Variants in DEFB110 observed in about 807,000 individuals in gnomAD.
The protein encoded by DEFB110 is defensin beta 110.
In DEFB110, 4 loss-of-function variants were observed where a neutral mutation model predicts 2.5. The ratio of observed to expected loss-of-function variants is 1.60; its 90% confidence interval spans 0.79 to 3.66. The LOEUF (loss-of-function observed/expected upper bound fraction) is 3.66. Ranked by LOEUF, DEFB110 falls within the 30% of genes most tolerant of loss-of-function variation. DEFB110 has a pLI of 0.01. For missense variants in DEFB110, 94 were observed against 75.4 expected (o/e 1.25, Z -0.91); for synonymous variants, 29 against 21.8 (o/e 1.33, Z -0.92).
chr6:50,010,562 T>G (rs1774210462), intron 1 of DEFB110, among the ~76,000 whole-genome samples: 1 of 150,720 alleles, frequency 6.6e-6, no homozygotes, highest in African/African-American at 2.4e-5. Context: ...GACATATATA[T>G]AGACATATAT....
At chr6:50,009,590 A>T (rs552626333) in intron 1 of DEFB110, among the ~76,000 whole-genome samples, 1 of 152,162 alleles carries the variant, frequency 6.6e-6, no homozygotes, top group African/African-American at 2.4e-5. Context: ...TTTGTCAGAC[A>T]TTTGTTGTGA....
chr6:50,009,521 C>T (rs1223266536), intron 1 of DEFB110, among the ~76,000 whole-genome samples: 2 of 152,132 alleles, frequency 1.3e-5, no homozygotes, highest in African/African-American at 4.8e-5. Context: ...TGTCAGCTGG[C>T]TCAGTCTACA....
downstream of DEFB110, among the ~76,000 whole-genome samples, chr6:50,018,122 T>C (rs1324122995): frequency 1.3e-5 from 2 of 151,926 alleles, no homozygotes; most frequent in Non-Finnish European, 2.9e-5. Context: ...GATGCATCAC[T>C]GACATGTTCT....
intron 1 of DEFB110, among the ~76,000 whole-genome samples, chr6:50,012,478 A>G (rs1774244053): frequency 1.3e-5 from 2 of 151,972 alleles, no homozygotes; most frequent in South Asian, 4.1e-4. Flanking sequence ...GTTATTCATC[A>G]GTTATTTCCT....
downstream of DEFB110, among the ~76,000 whole-genome samples, chr6:50,016,214 G>A (rs1774313232): frequency 3.3e-5 from 5 of 151,890 alleles, no homozygotes; most frequent in South Asian, 1.0e-3. Flanking sequence ...TAGTTCACGT[G>A]AGAATTTGAC....
downstream of DEFB110, among the ~76,000 whole-genome samples, chr6:50,017,799 A>T (rs1561991982): frequency 6.6e-6 from 1 of 151,880 alleles, no homozygotes; most frequent in African/African-American, 2.4e-5. Flanking sequence ...AATAGAATGG[A>T]TCCACAGAGA....
At chr6:50,010,012 C>A (rs1774200872) in intron 1 of DEFB110, among the ~76,000 whole-genome samples, 1 of 151,934 alleles carries the variant, frequency 6.6e-6, no homozygotes, top group Admixed American at 6.6e-5. Context: ...CCTAGTGATA[C>A]AACTGTACTC....
intron 1 of DEFB110, among the ~76,000 whole-genome samples, chr6:50,009,784 G>C (rs1037085542): frequency 1.3e-5 from 2 of 151,960 alleles, no homozygotes; most frequent in African/African-American, 4.8e-5. Context: ...CAAAACTAAA[G>C]TACTTTAGAT....
intron 1 of DEFB110, among the ~76,000 whole-genome samples, chr6:50,011,377 C>T (rs1774225546): frequency 6.6e-6 from 1 of 151,934 alleles, no homozygotes; most frequent in African/African-American, 2.4e-5. Flanking sequence ...TTGTACATCA[C>T]TGGAGAAATT....
downstream of DEFB110, among the ~76,000 whole-genome samples, chr6:50,015,021 C>A (rs1163782540): frequency 6.6e-6 from 1 of 151,894 alleles, no homozygotes; most frequent in Non-Finnish European, 1.5e-5. Context: ...TTGGATCAAT[C>A]GTCCAACCAA....
chr6:50,018,372 A>T (rs1297523514), downstream of DEFB110, among the ~76,000 whole-genome samples: 2 of 151,708 alleles, frequency 1.3e-5, no homozygotes, highest in African/African-American at 2.4e-5. Flanking sequence ...ACTACCTCTC[A>T]TTTCTTGATA....
intron 1 of DEFB110, among the ~76,000 whole-genome samples, chr6:50,020,972 G>C (rs949955586): frequency 2.6e-5 from 4 of 152,066 alleles, no homozygotes; most frequent in African/African-American, 9.7e-5. Flanking sequence ...ACCTTGGACT[G>C]ACCCCACCCC....
downstream of DEFB110, among the ~76,000 whole-genome samples, chr6:50,015,342 C>A (rs61360709): frequency 0.028 from 4,321 of 151,850 alleles, 130 homozygotes; most frequent in African/African-American, 0.066. Context: ...GGCTAAAACC[C>A]TTTGAATTGC....
At chr6:50,013,870 A>C (rs1204009738), downstream of DEFB110, among the ~76,000 whole-genome samples, 3 of 151,870 alleles carry the variant, frequency 2.0e-5, no homozygotes, top group Non-Finnish European at 4.4e-5. Flanking sequence ...AGAATAAAAG[A>C]CATGGAACAG....
chr6:50,009,157 C>A lies in DEFB110; in HGVS notation c.170G>T (p.Arg57Ile), dbSNP rs1390233173. 6 of 1,610,210 alleles carry A rather than the reference C, an allele frequency of 3.7e-6. No homozygotes were observed. In the South Asian group the frequency reaches 5.5e-5, roughly 15 times the overall value. The change falls in exon 2 of 2, where the codon AGA becomes ATA. Residue 57 changes from arginine (R) to isoleucine (I), a missense_variant. Arg to Ile is a moderately conservative substitution (Grantham distance 97). Transcript: ENST00000393660. ...CAGAGTTTATACGCAGCACTGACTT[C>A]TCCATTTAATGCAGTATCCATAATC...
chr6:50,016,476 G>T (rs565330674), downstream of DEFB110, among the ~76,000 whole-genome samples: 8 of 151,860 alleles, frequency 5.3e-5, no homozygotes, highest in South Asian at 1.0e-3. Context: ...TAGTTCTTTT[G>T]TAAGTTCATA....
intron 1 of DEFB110, among the ~76,000 whole-genome samples, chr6:50,012,387 A>G (rs906955967): frequency 3.9e-5 from 6 of 152,022 alleles, no homozygotes; most frequent in Admixed American, 3.3e-4. Flanking sequence ...ACTGAAAAAA[A>G]AGAGCGAGTG....
intron 1 of DEFB110, among the ~76,000 whole-genome samples, chr6:50,011,526 GGACATCAACACAATCCTGCA>G (rs2113937199): frequency 6.6e-6 from 1 of 152,146 alleles, no homozygotes; most frequent in African/African-American, 2.4e-5. Flanking sequence ...GATATGCTGT[GGACATCAACACAATCCTGCA>G]TACACACAGA....
intron 1 of DEFB110, among the ~76,000 whole-genome samples, chr6:50,012,634 T>A (rs1202008816): frequency 2.0e-5 from 3 of 151,926 alleles, no homozygotes; most frequent in Admixed American, 2.0e-4. Flanking sequence ...ATGAAGTAAG[T>A]TTTCATTGTC....
Sources: allele counts gnomAD v4.1 joint callset (sites outside exome capture counted in the v4.1 genomes callset), GRCh38; gene constraint gnomAD v4.1.1; transcripts MANE v1.5; gene names NCBI Gene and HGNC (gene_info 2026-07-23, HGNC 2026-07-21).